NTM: variants seen among roughly 807,000 people sequenced by gnomAD.
NTM encodes IgLON family member 2.
A neutral mutation model predicts 42.1 loss-of-function variants in NTM; 13 were observed. The observed-to-expected ratio is 0.31, with a 90% confidence interval of 0.20 to 0.49. NTM has a LOEUF of 0.49. NTM is among the 20% of genes least tolerant of loss of function. NTM has a pLI of 0.99. For missense variants in NTM, 373 were observed against 452.8 expected, an observed-to-expected ratio of 0.82 and a Z score of 1.60; for synonymous variants, 187 against 179.2, an observed-to-expected ratio of 1.04 and a Z score of -0.35.
intron 1 of NTM, among the ~76,000 whole-genome samples, chr11:131,859,318 T>G (rs567547041): frequency 6.6e-6 from 1 of 152,342 alleles, no homozygotes; most frequent in African/African-American, 2.4e-5. Context: ...AAGAAAGCTC[T>G]TATTTCTTAA....
At chr11:132,040,671 G>C (rs1451307550) in intron 2 of NTM, among the ~76,000 whole-genome samples, 1 of 152,174 alleles carries the variant, frequency 6.6e-6, no homozygotes, top group African/African-American at 2.4e-5. Flanking sequence ...TTGTGGACAG[G>C]ACAGTCTATT....
At chr11:131,756,484 A>G (rs2083351396) in intron 1 of NTM, among the ~76,000 whole-genome samples, 1 of 151,356 alleles carries the variant, frequency 6.6e-6, no homozygotes, top group African/African-American at 2.4e-5. Context: ...AGATCACGCC[A>G]CTGCACTCCA....
chr11:132,068,787 A>G (rs1165188123), intron 2 of NTM, among the ~76,000 whole-genome samples: 2 of 152,206 alleles, frequency 1.3e-5, no homozygotes, highest in Non-Finnish European at 2.9e-5. Context: ...GCCATCAGGA[A>G]TGGCAGCTGG....
At chr11:131,586,503 G>A (rs949452314) in intron 1 of NTM, among the ~76,000 whole-genome samples, 1 of 152,084 alleles carries the variant, frequency 6.6e-6, no homozygotes, top group African/African-American at 2.4e-5. Context: ...CCTGTTAATG[G>A]TCATATGAGT....
At chr11:131,623,870 G>A (rs2062825841) in intron 1 of NTM, among the ~76,000 whole-genome samples, 1 of 152,220 alleles carries the variant, frequency 6.6e-6, no homozygotes, top group Admixed American at 6.5e-5. Context: ...GTTAGCCAAG[G>A]AAAAACCTCG....
chr11:131,962,627 C>G (rs1374969288), intron 2 of NTM, among the ~76,000 whole-genome samples: 1 of 152,216 alleles, frequency 6.6e-6, no homozygotes, highest in Non-Finnish European at 1.5e-5. Flanking sequence ...GTTTGAACCA[C>G]TCTGTCTATG....
At position 131,631,098 on chromosome 11, in the gene NTM, G is replaced by A. The variant is rs538692227; in HGVS notation, c.82+260210G>A. Among the ~76,000 whole-genome samples, 8 of 152,222 alleles carry A rather than the reference G, an allele frequency of 5.3e-5. No individual in the cohort carries two copies. The East Asian group carries it at 1.4e-3, about 26-fold the overall frequency. ...GCATAGCAGTTAGGCACTCAGGCAT[G>A]GATTCAGAAATACGTGGAATTCAGT... On this transcript the variant is annotated intron_variant, in intron 1 of 8. Coordinates refer to ENST00000683400, the MANE Select transcript of NTM (RefSeq NM_001352005.2).
At chr11:131,600,481 C>T (rs141344396) in intron 1 of NTM, among the ~76,000 whole-genome samples, 1 of 152,202 alleles carries the variant, frequency 6.6e-6, no homozygotes, top group African/African-American at 2.4e-5. Context: ...CAGCAATGGG[C>T]TTTTGGCTGC....
At chr11:131,509,108 A>G (rs1488722207) in intron 1 of NTM, among the ~76,000 whole-genome samples, 1 of 152,128 alleles carries the variant, frequency 6.6e-6, no homozygotes, top group Non-Finnish European at 1.5e-5. Flanking sequence ...TAATTTTTAA[A>G]CCCCATTTGT....
At chr11:131,608,737 C>G (rs2061218295) in intron 1 of NTM, among the ~76,000 whole-genome samples, 1 of 152,204 alleles carries the variant, frequency 6.6e-6, no homozygotes. Flanking sequence ...TCCCGTTTTC[C>G]CTGTCTCTAT....
At chr11:132,024,161 G>T in intron 2 of NTM, among the ~76,000 whole-genome samples, 1 of 151,814 alleles carries the variant, frequency 6.6e-6, no homozygotes, top group African/African-American at 2.4e-5. Flanking sequence ...AGGGAAGGAG[G>T]ATAGGGTATG....
chr11:132,141,757 G>A (rs2069202010), intron 2 of NTM, among the ~76,000 whole-genome samples: 1 of 152,224 alleles, frequency 6.6e-6, no homozygotes, highest in Non-Finnish European at 1.5e-5. Flanking sequence ...CTGTGGCTCG[G>A]TACTGAAATG....
At chr11:131,728,219 G>C (rs2079188808) in intron 1 of NTM, among the ~76,000 whole-genome samples, 1 of 152,190 alleles carries the variant, frequency 6.6e-6, no homozygotes, top group African/African-American at 2.4e-5. Flanking sequence ...GATCCTACCT[G>C]TTGAGGGCTC....
At chr11:132,292,138 A>AG in intron 4 of NTM, among the ~76,000 whole-genome samples, 1 of 152,312 alleles carries the variant, frequency 6.6e-6, no homozygotes. Flanking sequence ...TCCTTGAAAA[A>AG]GTGAGAAAGA....
chr11:131,459,123 C>T (rs1466500709), intron 1 of NTM, among the ~76,000 whole-genome samples: 1 of 152,250 alleles, frequency 6.6e-6, no homozygotes, highest in Non-Finnish European at 1.5e-5. Flanking sequence ...TGTGCATAAG[C>T]CTCCCACATG....
intron 1 of NTM, among the ~76,000 whole-genome samples, chr11:131,595,528 C>G (rs1366840345): frequency 6.6e-6 from 1 of 152,158 alleles, no homozygotes; most frequent in African/African-American, 2.4e-5. Context: ...CATCTCCATC[C>G]CAAGCAATTG....
intron 1 of NTM, among the ~76,000 whole-genome samples, chr11:131,797,526 C>G (rs781107237): frequency 6.6e-6 from 1 of 152,152 alleles, no homozygotes; most frequent in Non-Finnish European, 1.5e-5. Context: ...GCCTTTTCCT[C>G]TAGTTGATGA....
In NTM at chr11:131,650,887, C is replaced by A. The variant is rs142908724; in HGVS notation, c.83-260677C>A. Among the ~76,000 whole-genome samples, 365 of 152,280 alleles carry A rather than the reference C, an allele frequency of 2.4e-3. 2 individuals carry two copies. Among genetic ancestry groups the A allele is most frequent in the African/African-American group, 8.2e-3 (342 of 41,558 alleles). On this transcript the variant is annotated intron_variant, in intron 1 of 8. Coordinates refer to ENST00000683400, the MANE Select transcript of NTM (RefSeq NM_001352005.2). ...TCATTGTTTGGAGACTGGGTGACTC[C>A]AGTGCTAGCTCCACATGTTTTCTAG... is the stretch of plus-strand genomic sequence containing the variant.
At chr11:131,980,463 C>A (rs575084472) in intron 2 of NTM, among the ~76,000 whole-genome samples, 1 of 152,306 alleles carries the variant, frequency 6.6e-6, no homozygotes, top group South Asian at 2.1e-4. Context: ...TTAATGATCT[C>A]TACTGATCTC....
Sources: allele counts gnomAD v4.1 joint callset (sites outside exome capture counted in the v4.1 genomes callset), GRCh38; gene constraint gnomAD v4.1.1; transcripts MANE v1.5; gene names NCBI Gene and HGNC (gene_info 2026-07-23, HGNC 2026-07-21).